Variants in INSR observed in about 807,000 individuals in gnomAD.
INSR encodes the protein insulin receptor, also known as IR.
INSR carries 67 observed loss-of-function variants against 142.6 expected under a neutral mutation model. The ratio of observed to expected loss-of-function variants is 0.47; its 90% CI spans 0.39 to 0.58. INSR has a LOEUF of 0.58. Ranked by LOEUF, INSR falls within the 20% of genes least tolerant of loss-of-function variation. The probability of loss-of-function intolerance (pLI) is 0.00; values close to 1 mark genes in which losing one functional copy is unlikely to be tolerated. For missense variants in INSR, 1,248 were observed against 1,833.2 expected (o/e 0.68, Z 5.83); for synonymous variants, 756 against 743.1 (o/e 1.02, Z -0.28).
intron 1 of INSR, among the ~76,000 whole-genome samples, chr19:7,289,004 C>A (rs1450174547): frequency 6.6e-6 from 1 of 151,150 alleles, no homozygotes; most frequent in African/African-American, 2.4e-5. Context: ...AAACACTGAC[C>A]CTCTGGGAAG....
At chr19:7,190,465 C>T (rs961888929) in intron 2 of INSR, among the ~76,000 whole-genome samples, 18 of 150,102 alleles carry the variant, frequency 1.2e-4, no homozygotes, top group African/African-American at 3.7e-4. Context: ...CTCCGCCTCC[C>T]GGGTTCAAGC....
Position 7,184,640 on chromosome 19 carries a change from GGAGAGAGAGA to G in INSR, c.653-13_653-4del. On this transcript the variant is annotated splice_region_variant and splice_polypyrimidine_tract_variant and intron_variant, in intron 2 of 21. Coordinates refer to ENST00000302850, the MANE Select transcript of INSR (RefSeq NM_000208.4). ...TGACTTACAGATGGTCGGGCAAACT[GGAGAGAGAGA>G]GAGAGAGAGAGGGAAATAAATAAAT... 3 of 1,374,900 alleles carry G rather than the reference GGAGAGAGAGA, an allele frequency of 2.2e-6. No homozygotes were observed. The highest frequency in any genetic ancestry group is 2.0e-6 in the Non-Finnish European group (2 of 1,003,156). 85.2% of individuals were successfully genotyped at this position (1,374,900 alleles called of 1,614,324 possible). A position where few individuals can be genotyped will look rare whatever the true frequency, so the allele number is the denominator to read the frequency against.
chr19:7,119,631 CACACACACGCGCGCGCGCAA>C lies in INSR; in HGVS notation c.3660-68_3660-49del, dbSNP rs770709866. 12 of 1,608,568 alleles carry C rather than the reference CACACACACGCGCGCGCGCAA, an allele frequency of 7.5e-6. No homozygotes were observed. The African/African-American group carries it at 1.6e-4, about 22-fold the overall frequency. ...GTAACAAAGAAGCCATTTAGACACA[CACACACACGCGCGCGCGCAA>C]ACACACACACGCAAACGCACACACA... On this transcript the variant is annotated intron_variant, in intron 20 of 21. Coordinates refer to ENST00000302850, the MANE Select transcript of INSR (RefSeq NM_000208.4). The surrounding 1 kb of genome is among the most constrained non-coding windows in gnomAD (Gnocchi z 5.2).
Position 7,152,855 on chromosome 19 carries a change from T to C in INSR, c.2102A>G (p.Glu701Gly), listed in dbSNP as rs755112011. The C allele has an allele frequency of 2.5e-6, 4 of 1,613,384 alleles. No individual in the cohort carries two copies. Among genetic ancestry groups the C allele is most frequent in the Non-Finnish European group, 3.4e-6 (4 of 1,179,926 alleles). ...SEDSQKHNQS[E>G]YEDSAGECCS... ...GCATTCGCCGGCCGAATCCTCATACTCACTCTGGTTGTGCTTCTGAGAATC... is the reference window on the plus strand; with the variant it reads ...GCATTCGCCGGCCGAATCCTCATACCCACTCTGGTTGTGCTTCTGAGAATC... Residue 701 changes from glutamate (E) to glycine (G), a missense_variant, in exon 10 of 22, where the codon GAG becomes GGG. Coordinates refer to ENST00000302850, the MANE Select transcript of INSR (RefSeq NM_000208.4).
At chr19:7,121,867 G>T (rs1326307201) in intron 19 of INSR, among the ~76,000 whole-genome samples, 1 of 152,220 alleles carries the variant, frequency 6.6e-6, no homozygotes, top group Non-Finnish European at 1.5e-5. Context: ...GCCCAGCCAG[G>T]CACAGTGGCT....
At chr19:7,256,657 A>G (rs1445559681) in intron 2 of INSR, among the ~76,000 whole-genome samples, 1 of 150,594 alleles carries the variant, frequency 6.6e-6, no homozygotes, top group African/African-American at 2.4e-5. Flanking sequence ...CCAGCTACTC[A>G]GGAGGCGGAA....
At chr19:7,189,664 CTTTTT>C (rs35476514) in intron 2 of INSR, among the ~76,000 whole-genome samples, 1 of 141,564 alleles carries the variant, frequency 7.1e-6, no homozygotes. Flanking sequence ...TTTACTATTA[CTTTTT>C]TTTTTTTTTT....
At chr19:7,154,791 G>T (rs1405137148) in intron 9 of INSR, among the ~76,000 whole-genome samples, 1 of 151,932 alleles carries the variant, frequency 6.6e-6, no homozygotes, top group African/African-American at 2.4e-5. Flanking sequence ...GGGCGTGGTG[G>T]TGGGTGCCTG....
chr19:7,201,481 T>TGG (rs1568483339), intron 2 of INSR, among the ~76,000 whole-genome samples: 2 of 151,098 alleles, frequency 1.3e-5, no homozygotes. Context: ...AAAAATTAGC[T>TGG]GGGTGTGGTG....
At chr19:7,197,514 G>GTGTGTGTGTGTGTGTGTGTGT (rs1974787439) in intron 2 of INSR, among the ~76,000 whole-genome samples, 3 of 26,948 alleles carry the variant, frequency 1.1e-4, no homozygotes, top group Admixed American at 4.1e-4. Flanking sequence ...AGTGGGAGTG[G>GTGTGTGTGTGTGTGTGTGTGT]GGGTGTGTGT....
chr19:7,261,236 T>C (rs1977054045), intron 2 of INSR, among the ~76,000 whole-genome samples: 1 of 152,106 alleles, frequency 6.6e-6, no homozygotes, highest in Non-Finnish European at 1.5e-5. Flanking sequence ...CTTCTGAGTG[T>C]ACTTGGTTTG....
At chr19:7,126,775 T>A (rs1472351255) in intron 15 of INSR, 124 bp from the exon 16 acceptor site, 2 of 880,112 alleles carry the variant, frequency 2.3e-6, no homozygotes, top group South Asian at 2.9e-5. Context: ...TAATCCTAGA[T>A]GCAGTCTAGG....
At chr19:7,151,162 C>CTTTCTTTCTTTCTTTCTT (rs1359040007) in intron 10 of INSR, among the ~76,000 whole-genome samples, 34 of 45,892 alleles carry the variant, frequency 7.4e-4, no homozygotes, top group African/African-American at 1.5e-3. Context: ...TTCTTTCTTT[C>CTTTCTTTCTTTCTTTCTT]TCTTTCTTTC....
intron 14 of INSR, among the ~76,000 whole-genome samples, chr19:7,130,575 G>C (rs1001035433): frequency 6.6e-6 from 1 of 152,142 alleles, no homozygotes; most frequent in Non-Finnish European, 1.5e-5. Context: ...GGTTGTTTAA[G>C]AAGTGTGTAG....
rs371272167 is a variant in INSR at position 7,119,764 on chromosome 19, A to AAACACG, written c.3660-182_3660-181insCGTGTT. Among the ~76,000 whole-genome samples, 9,529 of 133,114 alleles carry AAACACG rather than the reference A, an allele frequency of 0.072. 436 individuals are homozygous for AAACACG. The highest frequency in any genetic ancestry group is 0.1 in the Non-Finnish European group (6,379 of 63,890). The allele number at this position is 133,114 out of a possible 152,430, so 87.3% of individuals were successfully genotyped here. A position where few individuals can be genotyped will look rare whatever the true frequency, so the allele number is the denominator to read the frequency against. ...CACGTGCACACACATGCAAATACACACAAACACGCATGCGCACACATGCAC... is the reference window on the plus strand; with the variant it reads ...CACGTGCACACACATGCAAATACACAAACACGCAAACACGCATGCGCACACATGCAC... On this transcript the variant is annotated intron_variant, in intron 20 of 21. Coordinates refer to ENST00000302850, the MANE Select transcript of INSR (RefSeq NM_000208.4). The surrounding 1 kb of genome is among the most constrained non-coding windows in gnomAD (Gnocchi z 5.2).
At chr19:7,196,946 T>C (rs1021979704) in intron 2 of INSR, among the ~76,000 whole-genome samples, 1 of 152,218 alleles carries the variant, frequency 6.6e-6, no homozygotes, top group Non-Finnish European at 1.5e-5. Flanking sequence ...ATTTATTTTG[T>C]TTCCATTCAA....
At chr19:7,167,928 GCCCTCGCCTCCT>G (rs1973924484) in intron 7 of INSR, 28 bp downstream of exon 7, 5 of 1,612,858 alleles carry the variant, frequency 3.1e-6, no homozygotes, top group Non-Finnish European at 4.2e-6. Flanking sequence ...GAGCCAGCCA[GCCCTCGCCTCCT>G]CAGCGTCTCT....
chr19:7,248,033 T>G (rs750949033), intron 2 of INSR, among the ~76,000 whole-genome samples: 2 of 152,180 alleles, frequency 1.3e-5, no homozygotes, highest in Non-Finnish European at 2.9e-5. Context: ...GTGCAGTGGC[T>G]CATGCCTATA....
rs1599889281 is a variant in INSR at position 7,137,478 on chromosome 19, C to T, written c.2682+4199G>A. On this transcript the variant is annotated intron_variant, in intron 13 of 21. Transcript: ENST00000302850. ...AACCAGGGGCTACTGGGCTCACTGC[C>T]AGGAGCCGTTAAGATGCAACTGACC... Among the ~76,000 whole-genome samples, 7 of 152,108 alleles carry T rather than the reference C, an allele frequency of 4.6e-5. No individual in the cohort carries two copies. The South Asian group carries it at 1.5e-3, about 32-fold the overall frequency.
Sources: gnomAD v4.1 joint callset for allele counts (sites outside exome capture counted in the v4.1 genomes callset) on GRCh38, gnomAD v4.1.1 for gene constraint, Gnocchi (gnomAD v3.1) non-coding constraint, MANE v1.5 for transcripts, NCBI Gene and HGNC (gene_info 2026-07-23, HGNC 2026-07-21) for gene names.